Variants in ENOX1 observed in about 807,000 individuals in gnomAD.
ENOX1 encodes ecto-NOX disulfide-thiol exchanger 1.
A neutral mutation model predicts 82.5 loss-of-function variants in ENOX1; 42 were observed. That is an observed-to-expected ratio of 0.51 (90% CI 0.40 to 0.66). The LOEUF is 0.66. Ranked by LOEUF, ENOX1 falls within the 30% of genes least tolerant of loss-of-function variation. The pLI is 0.00. For synonymous variants in ENOX1, 271 were observed against 282.2 expected, an observed-to-expected ratio of 0.96 and a Z score of 0.40; for missense variants, 608 against 811.6, an observed-to-expected ratio of 0.75 and a Z score of 3.05.
chr13:43,714,787 T>C (rs909046967), intron 1 of ENOX1, among the ~76,000 whole-genome samples: 1 of 152,192 alleles, frequency 6.6e-6, no homozygotes, highest in Non-Finnish European at 1.5e-5. Flanking sequence ...CTCCATCCCT[T>C]TATTTTGAGC....
chr13:43,738,587 C>T (rs2089742761), intron 1 of ENOX1, among the ~76,000 whole-genome samples: 1 of 152,118 alleles, frequency 6.6e-6, no homozygotes, highest in South Asian at 2.1e-4. Context: ...AGTTGCATAT[C>T]ATTAGAAAGG....
At chr13:43,643,363 G>A (rs560132439) in intron 2 of ENOX1, among the ~76,000 whole-genome samples, 4 of 152,188 alleles carry the variant, frequency 2.6e-5, no homozygotes, top group Non-Finnish European at 5.9e-5. Flanking sequence ...TGCCTATTTA[G>A]TATGAGCTGG....
intron 3 of ENOX1, among the ~76,000 whole-genome samples, chr13:43,421,941 A>C (rs2055001563): frequency 6.6e-6 from 1 of 151,372 alleles, no homozygotes; most frequent in African/African-American, 2.4e-5. Flanking sequence ...GAAGAGAGGA[A>C]AGTAAAAAAT....
chr13:43,733,866 T>G (rs187892672), intron 1 of ENOX1, among the ~76,000 whole-genome samples: 3 of 152,126 alleles, frequency 2.0e-5, no homozygotes, highest in Admixed American at 6.5e-5. Flanking sequence ...GGTAAACCTA[T>G]AAGAGAGAAC....
chr13:43,349,699 A>G (rs2049643754), intron 8 of ENOX1, among the ~76,000 whole-genome samples: 1 of 152,262 alleles, frequency 6.6e-6, no homozygotes, highest in South Asian at 2.1e-4. Flanking sequence ...TTGTACGCAC[A>G]TGGAGGTTTG....
At chr13:43,726,624 GA>G (rs2153820249) in intron 1 of ENOX1, among the ~76,000 whole-genome samples, 1 of 152,292 alleles carries the variant, frequency 6.6e-6, no homozygotes, top group Admixed American at 6.5e-5. Context: ...ACACATGCCT[GA>G]AGGAGAAGAA....
chr13:43,473,624 A>AGG, intron 3 of ENOX1, among the ~76,000 whole-genome samples: 1 of 152,320 alleles, frequency 6.6e-6, no homozygotes, highest in East Asian at 1.9e-4. Flanking sequence ...ACTCCAGCAT[A>AGG]CGCACTCATC....
intron 2 of ENOX1, among the ~76,000 whole-genome samples, chr13:43,664,566 ACT>A (rs1566732225): frequency 6.6e-6 from 1 of 152,120 alleles, no homozygotes; most frequent in Non-Finnish European, 1.5e-5. Flanking sequence ...GCCCACCATC[ACT>A]CTGTTTGATC....
intron 12 of ENOX1, among the ~76,000 whole-genome samples, chr13:43,277,195 T>C (rs2045094905): frequency 6.6e-6 from 1 of 152,238 alleles, no homozygotes; most frequent in African/African-American, 2.4e-5. Context: ...AATCAATTCC[T>C]CTAGGCCTTT....
chr13:43,727,412 A>C (rs1465977644), intron 1 of ENOX1, among the ~76,000 whole-genome samples: 1 of 152,158 alleles, frequency 6.6e-6, no homozygotes, highest in Non-Finnish European at 1.5e-5. Context: ...AATGAACGGA[A>C]TCCATGTTCT....
rs552639169 is a variant in ENOX1, at chr13:43,531,262, A to T, written c.-218-47110T>A. ...AAACAACCCCATTGAAAAGTGGGTG[A>T]AGGATATGAATAGACACTTCTCAAA... On this transcript the variant is annotated intron_variant, in intron 2 of 16. Coordinates refer to ENST00000690772, the MANE Select transcript of ENOX1 (RefSeq NM_001347969.2). 5.9e-5 allele frequency among the ~76,000 whole-genome samples: 9 copies of T among 152,306 alleles called. No individual in the cohort carries two copies. The South Asian group carries it at 1.4e-3, about 25-fold the overall frequency.
At chr13:43,567,125 C>T (rs1012822197) in intron 2 of ENOX1, among the ~76,000 whole-genome samples, 2 of 152,120 alleles carry the variant, frequency 1.3e-5, no homozygotes, top group Non-Finnish European at 2.9e-5. Context: ...TGTTTTTTAA[C>T]TCACCATAAC....
chr13:43,232,120 AT>A (rs2042315912), intron 15 of ENOX1, among the ~76,000 whole-genome samples: 1 of 114,576 alleles, frequency 8.7e-6, no homozygotes, highest in African/African-American at 3.3e-5. Flanking sequence ...TTTTGTAGAG[AT>A]GGGAGTCTCA....
intron 5 of ENOX1, among the ~76,000 whole-genome samples, chr13:43,373,194 C>T (rs1473195730): frequency 6.6e-6 from 1 of 151,974 alleles, no homozygotes; most frequent in African/African-American, 2.4e-5. Flanking sequence ...TATCCTACTT[C>T]TCGGTGGCTT....
chr13:43,443,360 A>C (rs1206684541), intron 3 of ENOX1, among the ~76,000 whole-genome samples: 1 of 152,222 alleles, frequency 6.6e-6, no homozygotes, highest in Middle Eastern at 3.2e-3. Context: ...AATCTTCAGG[A>C]ACTGTCTTCA....
At chr13:43,287,796 A>G (rs1334188418) in intron 12 of ENOX1, among the ~76,000 whole-genome samples, 2 of 152,180 alleles carry the variant, frequency 1.3e-5, no homozygotes, top group Non-Finnish European at 2.9e-5. Flanking sequence ...AAAAGTCCCA[A>G]ACCTCTTACA....
At chr13:43,712,785 T>G (rs1289266667) in intron 1 of ENOX1, among the ~76,000 whole-genome samples, 1 of 152,168 alleles carries the variant, frequency 6.6e-6, no homozygotes, top group Non-Finnish European at 1.5e-5. Flanking sequence ...TTTGCTGAAG[T>G]TGCTTATCAG....
intron 2 of ENOX1, among the ~76,000 whole-genome samples, chr13:43,523,967 G>A (rs1399006917): frequency 1.3e-5 from 2 of 152,034 alleles, no homozygotes; most frequent in Admixed American, 6.5e-5. Flanking sequence ...GTCCATTACT[G>A]TTCTTCACCT....
chr13:43,714,920 A>T (rs1230922096), intron 1 of ENOX1, among the ~76,000 whole-genome samples: 2 of 152,188 alleles, frequency 1.3e-5, no homozygotes, highest in Non-Finnish European at 2.9e-5. Flanking sequence ...ATTTAAAGTT[A>T]ATATTGTTAT....
Sources: allele counts gnomAD v4.1 joint callset (sites outside exome capture counted in the v4.1 genomes callset), GRCh38; gene constraint gnomAD v4.1.1; transcripts MANE v1.5; gene names NCBI Gene and HGNC (gene_info 2026-07-23, HGNC 2026-07-21).